Variants in SOX5 observed in about 807,000 individuals in gnomAD.
SOX5 encodes the protein SRY-box transcription factor 5.
Under a neutral mutation model 92.0 loss-of-function variants are expected in SOX5, and 9 were observed. That is an observed-to-expected ratio of 0.10 (90% confidence interval 0.06 to 0.17). The LOEUF is 0.17. Among genes scored for constraint, SOX5 ranks in the 10% least tolerant of loss-of-function variants. The pLI is 1.00. For missense variants in SOX5, 642 were observed against 944.5 expected (o/e 0.68, Z 4.20); for synonymous variants, 344 against 336.3 (o/e 1.02, Z -0.25).
At chr12:24,384,084 A>C (rs75406459) in intron 1 of SOX5, among the ~76,000 whole-genome samples, 16 of 152,200 alleles carry the variant, frequency 1.1e-4, no homozygotes, top group African/African-American at 3.9e-4. Flanking sequence ...CATTATTGTA[A>C]GTTTCCTGAG....
chr12:23,724,319 T>C (rs1436758145), intron 6 of SOX5, among the ~76,000 whole-genome samples: 1 of 152,068 alleles, frequency 6.6e-6, no homozygotes, highest in African/African-American at 2.4e-5. Context: ...AGTTCTATCA[T>C]CTATAAAATG....
At chr12:23,643,282 A>G (rs1241574877) in intron 7 of SOX5, among the ~76,000 whole-genome samples, 1 of 152,148 alleles carries the variant, frequency 6.6e-6, no homozygotes, top group Non-Finnish European at 1.5e-5. Flanking sequence ...GACATGTGGT[A>G]GTATGTACTG....
intron 1 of SOX5, among the ~76,000 whole-genome samples, chr12:24,435,751 T>C (rs1184392529): frequency 6.9e-6 from 1 of 145,834 alleles, no homozygotes; most frequent in Non-Finnish European, 1.5e-5. Flanking sequence ...ACTTCACAGA[T>C]ACTGTGGTTT....
At chr12:24,377,976 A>C (rs1957455120) in intron 1 of SOX5, among the ~76,000 whole-genome samples, 1 of 152,274 alleles carries the variant, frequency 6.6e-6, no homozygotes, top group Non-Finnish European at 1.5e-5. Flanking sequence ...GAGGTATTCC[A>C]GACTTTTCAT....
intron 4 of SOX5, among the ~76,000 whole-genome samples, chr12:24,176,977 GTTT>G (rs11295163): frequency 0.15 from 19,783 of 134,966 alleles, 1,281 homozygotes; most frequent in African/African-American, 0.23. Flanking sequence ...TTTGTTTTTT[GTTT>G]TTTTTTTTTT....
chr12:24,136,791 A>AGGG (rs1199357314), intron 4 of SOX5, among the ~76,000 whole-genome samples: 1 of 152,268 alleles, frequency 6.6e-6, no homozygotes, highest in African/African-American at 2.4e-5. Context: ...CGACTCCAAA[A>AGGG]GTTGAATTTA....
At chr12:23,564,545 C>T (rs896539827) in intron 10 of SOX5, among the ~76,000 whole-genome samples, 7 of 152,110 alleles carry the variant, frequency 4.6e-5, no homozygotes, top group African/African-American at 9.7e-5. Flanking sequence ...ATAAAATGAC[C>T]GGCTTGCCTC....
At chr12:23,713,649 G>C (rs986171390) in intron 6 of SOX5, among the ~76,000 whole-genome samples, 25 of 147,474 alleles carry the variant, frequency 1.7e-4, no homozygotes, top group Middle Eastern at 3.5e-3. Context: ...CAGTGTCTCT[G>C]TGTGTGTGTG....
chr12:23,578,132 A>AAAAAAAC (rs1949494962), intron 9 of SOX5, among the ~76,000 whole-genome samples: 1 of 144,690 alleles, frequency 6.9e-6, no homozygotes, highest in Non-Finnish European at 1.5e-5. Context: ...AAAAAAAAAA[A>AAAAAAAC]AAAAAAAAAA....
At chr12:24,517,529 G>T (rs1949901438) in intron 1 of SOX5, among the ~76,000 whole-genome samples, 1 of 152,104 alleles carries the variant, frequency 6.6e-6, no homozygotes. Context: ...GAAAAAAAGA[G>T]AACCATATAG....
intron 1 of SOX5, among the ~76,000 whole-genome samples, chr12:24,490,204 C>G (rs1946912604): frequency 1.3e-5 from 2 of 152,176 alleles, no homozygotes; most frequent in Non-Finnish European, 2.9e-5. Flanking sequence ...GTTACATAGT[C>G]TGTCATTATG....
At chr12:24,327,603 A>G (rs373846726) in intron 2 of SOX5, among the ~76,000 whole-genome samples, 84 of 150,920 alleles carry the variant, frequency 5.6e-4, no homozygotes, top group African/African-American at 2.0e-3. Flanking sequence ...TATTTTTTTT[A>G]GACAGAGTCT....
Position 24,521,216 on chromosome 12 carries a change from G to A in SOX5, c.-251+41113C>T, listed in dbSNP as rs532881914. 4.1e-4 allele frequency among the ~76,000 whole-genome samples: 62 copies of A among 152,120 alleles called. No homozygotes were observed. In the South Asian group the frequency reaches 0.011, roughly 28 times the overall value. On this transcript the variant is annotated intron_variant, in intron 1 of 4. Coordinates refer to the SOX5 transcript ENST00000446891. ...ATTACAGGCGTTTGCCACCACACCC[G>A]GATAATTTTTGTATTTTTAGTAGAG...
At chr12:23,775,226 T>C (rs1345631170) in intron 3 of SOX5, among the ~76,000 whole-genome samples, 3 of 152,226 alleles carry the variant, frequency 2.0e-5, no homozygotes, top group East Asian at 1.9e-4. Flanking sequence ...TTAATACTTA[T>C]TGACTGTTTA....
intron 4 of SOX5, chr12:24,213,330 TA>T (rs1420065820): frequency 1.3e-5 from 2 of 150,230 alleles, no homozygotes; most frequent in African/African-American, 4.9e-5. Flanking sequence ...AATGGTAATG[TA>T]AATGTCCTGA....
At chr12:24,039,540 A>G (rs2136974031) in intron 4 of SOX5, among the ~76,000 whole-genome samples, 1 of 152,328 alleles carries the variant, frequency 6.6e-6, no homozygotes, top group East Asian at 1.9e-4. Context: ...ATATTAACAA[A>G]TCCAACATGA....
At chr12:24,448,978 C>T (rs1248111860) in intron 1 of SOX5, among the ~76,000 whole-genome samples, 1 of 152,120 alleles carries the variant, frequency 6.6e-6, no homozygotes, top group African/African-American at 2.4e-5. Context: ...TACCTAATTT[C>T]CTCCCCGCTA....
intron 4 of SOX5, among the ~76,000 whole-genome samples, chr12:24,098,245 C>T (rs1010684969): frequency 6.6e-6 from 1 of 152,140 alleles, no homozygotes. Flanking sequence ...TTATTAACCA[C>T]TTAGGTCTAT....
At chr12:23,556,605 G>A (rs146884666) in intron 11 of SOX5, among the ~76,000 whole-genome samples, 305 of 152,242 alleles carry the variant, frequency 2.0e-3, no homozygotes, top group African/African-American at 7.1e-3. Flanking sequence ...TACCTAACAT[G>A]CCTACTTCCT....
Sources: allele counts gnomAD v4.1 joint callset (sites outside exome capture counted in the v4.1 genomes callset), GRCh38; gene constraint gnomAD v4.1.1; transcripts MANE v1.5; gene names NCBI Gene and HGNC (gene_info 2026-07-23, HGNC 2026-07-21).